Variants in CSN2 observed in about 807,000 individuals in gnomAD.
CSN2 encodes casein beta, also known as beta-casein.
CSN2 carries 27 observed loss-of-function variants against 27.3 expected under a neutral mutation model. That is an observed-to-expected ratio of 0.99 (90% CI 0.73 to 1.36). The LOEUF (loss-of-function observed/expected upper bound fraction) is 1.36, where lower values mean the gene tolerates loss of function less well. Ranked by LOEUF, CSN2 falls within the 40% of genes most tolerant of loss-of-function variation. The probability of loss-of-function intolerance (pLI) is 0.00; values close to 1 mark genes in which losing one functional copy is unlikely to be tolerated. For missense variants in CSN2, 333 were observed against 264.5 expected, an observed-to-expected ratio of 1.26 and a Z score of -1.80; for synonymous variants, 131 against 94.8, an observed-to-expected ratio of 1.38 and a Z score of -2.22.
rs539438096 is a variant in CSN2 at position 69,955,340 on chromosome 4, T to C, written c.*289A>G. On this transcript the variant is annotated 3_prime_UTR_variant, in exon 8 of 8. Coordinates refer to ENST00000353151, the MANE Select transcript of CSN2 (RefSeq NM_001891.4). ...AAATAAGCACAATTCCAGAAACAAT[T>C]TGTATACATATGTTTGATATGTTTG... is the stretch of plus-strand genomic sequence containing the variant. The C allele has an allele frequency of 5.2e-5, 8 of 152,586 alleles. No homozygotes were observed. Among genetic ancestry groups the C allele is most frequent in the Non-Finnish European group, 1.2e-4 (8 of 67,940 alleles). 9.5% of individuals were successfully genotyped at this position (152,586 alleles called of 1,614,324 possible).
intron 6 of CSN2, 114 bp from the exon 7 acceptor site, chr4:69,956,469 A>G (rs1034097304): frequency 1.3e-6 from 1 of 760,756 alleles, no homozygotes; most frequent in African/African-American, 1.8e-5. Flanking sequence ...ATATATATTT[A>G]CAGCAAAAAC....
chr4:69,957,924 C>A (rs1723458477), intron 5 of CSN2, 120 bp from the exon 6 acceptor site: 3 of 979,428 alleles, frequency 3.1e-6, no homozygotes, highest in East Asian at 2.5e-5. Flanking sequence ...GAAAATATTT[C>A]ACTTATTTTG....
chr4:69,965,081 T>C (rs1723751500), intron 1 of CSN2, among the ~76,000 whole-genome samples: 1 of 151,512 alleles, frequency 6.6e-6, no homozygotes, highest in African/African-American at 2.4e-5. Flanking sequence ...TTCTGTCTCA[T>C]TTTAATATTG....
chr4:69,957,411 G>A lies in CSN2; in HGVS notation c.538C>T (p.Pro180Ser), dbSNP rs1182863100. 3 of 1,613,526 alleles carry A rather than the reference G, an allele frequency of 1.9e-6. No individual in the cohort carries two copies. The highest frequency in any genetic ancestry group is 3.3e-5 in the Admixed American group (2 of 59,846). ...TGAGGGTAGGGCACCACTTGCTGGG[G>A]GATAGGCAGGACTTTGGGCTGAGGA... Reference protein sequence around the residue: ...SVPQPKVLPIPQQVVPYPQRA... With the variant: ...SVPQPKVLPISQQVVPYPQRA... Residue 180 changes from proline (P) to serine (S), a missense_variant, in exon 6 of 8, where the codon CCC (proline) becomes TCC (serine). Pro to Ser is a moderately conservative substitution (Grantham distance 74). Coordinates refer to ENST00000353151, the MANE Select transcript of CSN2 (RefSeq NM_001891.4).
rs571828077 is a variant in CSN2, at chr4:69,963,155, A to C, written c.-12-2148T>G. The stretch of plus-strand genomic sequence containing the variant: ...TGTTGGTGGGACTGTAAACTAGTTC[A>C]ACCATTGTGGAAGTCAGTGTGGCGA... On this transcript the variant is annotated intron_variant, in intron 1 of 7. Transcript: ENST00000353151. Among the ~76,000 whole-genome samples the C allele has an allele frequency of 6.6e-5, 10 of 152,354 alleles. No individual in the cohort carries two copies. The South Asian group carries it at 2.1e-3, about 32-fold the overall frequency.
Position 69,957,738 on chromosome 4 carries a change from G to T in CSN2, c.211C>A (p.Pro71Thr). Residue 71 changes from proline (P) to threonine (T), a missense_variant, in exon 6 of 8, where the codon CCT becomes ACT. Physicochemically the swap from Pro to Thr is conservative, Grantham distance 38 (BLOSUM62 -1). Transcript: ENST00000353151. ...PQPLIYPFVE[P>T]IPYGFLPQNI... Reference sequence around the variant, plus strand: ...TGTGGAAGAAAACCATAGGGGATAGGTTCAACGAATGGATAGATCAGAGGC... The same window carrying T: ...TGTGGAAGAAAACCATAGGGGATAGTTTCAACGAATGGATAGATCAGAGGC... 4 of 1,613,964 alleles carry T rather than the reference G, an allele frequency of 2.5e-6. No homozygotes were observed. Among genetic ancestry groups the T allele is most frequent in the Non-Finnish European group, 3.4e-6 (4 of 1,179,956 alleles).
chr4:69,965,408 C>CTATA (rs756206077), intron 1 of CSN2, among the ~76,000 whole-genome samples: 8,373 of 87,628 alleles, frequency 0.096, 628 homozygotes, highest in African/African-American at 0.11. Flanking sequence ...TAGCCTCATA[C>CTATA]TATATATATA....
intron 7 of CSN2, 113 bp downstream of exon 7, chr4:69,956,201 A>T: frequency 1.6e-6 from 1 of 612,332 alleles, no homozygotes; most frequent in East Asian, 4.0e-5. Flanking sequence ...TAATAAAAAA[A>T]GTTCTTGTAT....
rs981838267 is a variant in CSN2, at chr4:69,955,336, C to T, written c.*293G>A. The T allele has an allele frequency of 3.3e-5, 5 of 152,338 alleles. No individual in the cohort carries two copies. The highest frequency in any genetic ancestry group is 1.2e-4 in the African/African-American group (5 of 41,388). The allele number at this position is 152,338 out of a possible 1,614,324, so 9.4% of individuals were successfully genotyped here. On this transcript the variant is annotated 3_prime_UTR_variant, in exon 8 of 8. Coordinates refer to ENST00000353151, the MANE Select transcript of CSN2 (RefSeq NM_001891.4). Reference sequence around the variant, plus strand: ...ATAAAAATAAGCACAATTCCAGAAACAATTTGTATACATATGTTTGATATG... The same window carrying T: ...ATAAAAATAAGCACAATTCCAGAAATAATTTGTATACATATGTTTGATATG...
chr4:69,965,408 CTATATATATATATATATATATA>C (rs756206077), intron 1 of CSN2, among the ~76,000 whole-genome samples: 12 of 88,130 alleles, frequency 1.4e-4, no homozygotes, highest in South Asian at 3.7e-4. Context: ...TAGCCTCATA[CTATATATATATATATATATATA>C]TATATATATA....
Position 69,957,705 on chromosome 4 carries a change from G to A in CSN2, c.244C>T (p.Leu82=). The A allele has an allele frequency of 1.9e-6, 3 of 1,614,006 alleles. No individual in the cohort carries two copies. The highest frequency in any genetic ancestry group is 2.5e-6 in the Non-Finnish European group (3 of 1,179,982). Residue 82 remains leucine (L), a synonymous_variant, in exon 6 of 8, where the codon CTG becomes TTG. Coordinates refer to ENST00000353151, the MANE Select transcript of CSN2 (RefSeq NM_001891.4). ...ACCACAGCAGGCTGAGCAAGAGGCA[G>A]AATGTTTTGTGGAAGAAAACCATAG... is the stretch of plus-strand genomic sequence containing the variant. ...IPYGFLPQNI[L]PLAQPAVVLP... is the part of the protein sequence containing the mutation.
intron 1 of CSN2, among the ~76,000 whole-genome samples, chr4:69,965,408 CTATATATATATATATATATATATATA>C (rs756206077): frequency 5.7e-5 from 5 of 88,130 alleles, no homozygotes; most frequent in African/African-American, 1.5e-4. Flanking sequence ...TAGCCTCATA[CTATATATATATATATATATATATATA>C]TATATATATA....
chr4:69,965,259 G>T (rs926857124), intron 1 of CSN2, among the ~76,000 whole-genome samples: 4 of 150,998 alleles, frequency 2.6e-5, no homozygotes, highest in African/African-American at 7.3e-5. Flanking sequence ...TAAACTACCT[G>T]CTGGACAAAG....
At chr4:69,961,091 A>G in intron 1 of CSN2, 84 bp from the exon 2 acceptor site, 2 of 850,062 alleles carry the variant, frequency 2.4e-6, no homozygotes, top group South Asian at 1.7e-5. Context: ...TTTTTATAAA[A>G]CAAAAAAAAA....
intron 3 of CSN2, 97 bp from the exon 4 acceptor site, chr4:69,959,166 C>T (rs1723492481): frequency 1.1e-6 from 1 of 908,206 alleles, no homozygotes; most frequent in Admixed American, 3.2e-5. Context: ...TTGATAATAT[C>T]ATTAATAACT....
chr4:69,962,413 C>T (rs1723626501), intron 1 of CSN2, among the ~76,000 whole-genome samples: 2 of 152,050 alleles, frequency 1.3e-5, no homozygotes, highest in Non-Finnish European at 2.9e-5. Flanking sequence ...CAGGAAAGAG[C>T]CCTCAGAAAT....
intron 3 of CSN2, among the ~76,000 whole-genome samples, chr4:69,959,519 C>A (rs1220640069): frequency 1.3e-5 from 2 of 152,072 alleles, no homozygotes; most frequent in Admixed American, 1.3e-4. Context: ...CAAGTGATCA[C>A]ACACCCAAGA....
Position 69,957,905 on chromosome 4 carries a change from AAG to A in CSN2, c.145-103_145-102del, listed in dbSNP as rs1055275136. On this transcript the variant is annotated intron_variant, in intron 5 of 7. Coordinates refer to ENST00000353151, the MANE Select transcript of CSN2 (RefSeq NM_001891.4). The stretch of plus-strand genomic sequence containing the variant: ...TTTTAGACAATGATAAATGAGTAAA[AAG>A]AGAGGAGAAAATATTTCACTTATTT... The A allele has an allele frequency of 4.8e-6, 5 of 1,052,162 alleles. No homozygotes were observed. The African/African-American group carries it at 8.0e-5, about 17-fold the overall frequency. 65.2% of individuals were successfully genotyped at this position (1,052,162 alleles called of 1,614,324 possible).
chr4:69,961,487 G>A (rs1311665050), intron 1 of CSN2, among the ~76,000 whole-genome samples: 1 of 152,088 alleles, frequency 6.6e-6, no homozygotes, highest in African/African-American at 2.4e-5. Context: ...AAAACCACAT[G>A]ATTATCTCAA....
Sources: allele counts gnomAD v4.1 joint callset (sites outside exome capture counted in the v4.1 genomes callset), GRCh38; gene constraint gnomAD v4.1.1; transcripts MANE v1.5; gene names NCBI Gene and HGNC (gene_info 2026-07-23, HGNC 2026-07-21).